Variants in PDZRN4 observed in about 807,000 individuals in gnomAD.
PDZRN4 encodes the protein PDZ domain-containing RING finger protein 4.
Under a neutral mutation model 99.0 loss-of-function variants are expected in PDZRN4, and 70 were observed. The observed-to-expected ratio is 0.71, with a 90% CI of 0.58 to 0.86. The LOEUF (loss-of-function observed/expected upper bound fraction) is 0.86, where lower values mean the gene tolerates loss of function less well. Ranked by LOEUF, PDZRN4 falls within the 40% of genes least tolerant of loss-of-function variation. The probability of loss-of-function intolerance (pLI) is 0.00; values close to 1 mark genes in which losing one functional copy is unlikely to be tolerated. For synonymous variants in PDZRN4, 551 were observed against 501.6 expected, an observed-to-expected ratio of 1.10 and a Z score of -1.32; for missense variants, 1,474 against 1,331.2, an observed-to-expected ratio of 1.11 and a Z score of -1.67.
intron 3 of PDZRN4, among the ~76,000 whole-genome samples, chr12:41,382,210 C>T (rs1039726898): frequency 3.9e-5 from 6 of 152,154 alleles, no homozygotes; most frequent in Admixed American, 3.9e-4. Flanking sequence ...GCTCCCCAGC[C>T]AAGTAGTGCT....
chr12:41,232,190 T>G (rs913619771), intron 3 of PDZRN4, among the ~76,000 whole-genome samples: 1 of 152,032 alleles, frequency 6.6e-6, no homozygotes, highest in Non-Finnish European at 1.5e-5. Context: ...GAGCTGAAAT[T>G]TAGATTCCTA....
chr12:41,382,306 G>A (rs576525988), intron 3 of PDZRN4, among the ~76,000 whole-genome samples: 24 of 152,238 alleles, frequency 1.6e-4, no homozygotes, highest in Admixed American at 2.6e-4. Flanking sequence ...CTACAATTGG[G>A]TGAGACCACA....
intron 3 of PDZRN4, among the ~76,000 whole-genome samples, chr12:41,270,060 A>G (rs1335447459): frequency 6.6e-6 from 1 of 152,188 alleles, no homozygotes; most frequent in Non-Finnish European, 1.5e-5. Context: ...CTGAGTTAGT[A>G]GTCATATAAA....
Position 41,238,100 on chromosome 12 carries a change from G to A in PDZRN4, c.843+43912G>A, listed in dbSNP as rs188316326. On this transcript the variant is annotated intron_variant, in intron 3 of 9. Transcript: ENST00000402685. ...CACGATATTGATTCTTTCTAACCAT[G>A]AGCATGGAATGTTTTTGCATCTGCT... Among the ~76,000 whole-genome samples, 3 of 152,210 alleles carry A rather than the reference G, an allele frequency of 2.0e-5. No homozygotes were observed. The East Asian group carries it at 5.8e-4, about 29-fold the overall frequency.
At chr12:41,302,607 C>T (rs964152642) in intron 3 of PDZRN4, among the ~76,000 whole-genome samples, 5 of 151,970 alleles carry the variant, frequency 3.3e-5, no homozygotes, top group East Asian at 1.9e-4. Context: ...ATTCATAATC[C>T]GGAAAGGAAG....
At chr12:41,525,407 ATAT>A (rs1025509448) in intron 5 of PDZRN4, among the ~76,000 whole-genome samples, 24 of 152,324 alleles carry the variant, frequency 1.6e-4, no homozygotes, top group African/African-American at 5.5e-4. Flanking sequence ...TGAAAAGATA[ATAT>A]TAATAATACA....
At chr12:41,388,337 T>G (rs1056085296) in intron 3 of PDZRN4, among the ~76,000 whole-genome samples, 1 of 151,786 alleles carries the variant, frequency 6.6e-6, no homozygotes, top group African/African-American at 2.4e-5. Context: ...ATCTTACAAG[T>G]TTACCTATGT....
At chr12:41,435,563 C>A (rs1952621958) in intron 3 of PDZRN4, among the ~76,000 whole-genome samples, 1 of 152,150 alleles carries the variant, frequency 6.6e-6, no homozygotes, top group East Asian at 1.9e-4. Flanking sequence ...CCGAAGCAGG[C>A]AGATCACGAG....
At chr12:41,364,227 GC>G (rs1951981863) in intron 3 of PDZRN4, among the ~76,000 whole-genome samples, 1 of 152,054 alleles carries the variant, frequency 6.6e-6, no homozygotes, top group Non-Finnish European at 1.5e-5. Flanking sequence ...TAATTCTGGT[GC>G]TTTTTAAATG....
intron 3 of PDZRN4, among the ~76,000 whole-genome samples, chr12:41,418,189 T>A (rs1952459790): frequency 1.3e-5 from 2 of 152,230 alleles, no homozygotes. Context: ...AGTATATTGA[T>A]GTTGCATGTA....
chr12:41,193,639 T>C (rs1202872894), intron 2 of PDZRN4, among the ~76,000 whole-genome samples: 1 of 152,210 alleles, frequency 6.6e-6, no homozygotes, highest in Non-Finnish European at 1.5e-5. Flanking sequence ...ATCTGGCACA[T>C]CAAAAAGCTA....
At chr12:41,232,423 C>T (rs1202160462) in intron 3 of PDZRN4, among the ~76,000 whole-genome samples, 1 of 151,982 alleles carries the variant, frequency 6.6e-6, no homozygotes, top group African/African-American at 2.4e-5. Context: ...GATCTGTAAG[C>T]GGGTGTTCAT....
At chr12:41,558,693 T>C (rs1219015970) in intron 7 of PDZRN4, among the ~76,000 whole-genome samples, 1 of 152,202 alleles carries the variant, frequency 6.6e-6, no homozygotes, top group Non-Finnish European at 1.5e-5. Context: ...AATAGCAGGA[T>C]GTTAAAGTGC....
intron 5 of PDZRN4, among the ~76,000 whole-genome samples, chr12:41,518,144 CT>C (rs1938435272): frequency 1.3e-5 from 2 of 151,112 alleles, no homozygotes; most frequent in African/African-American, 4.9e-5. Flanking sequence ...GATTACAGTT[CT>C]CCTTCTCCTT....
At chr12:41,498,317 T>A (rs966344616) in intron 3 of PDZRN4, among the ~76,000 whole-genome samples, 2 of 152,090 alleles carry the variant, frequency 1.3e-5, no homozygotes, top group Non-Finnish European at 2.9e-5. Flanking sequence ...CAAACCCAAA[T>A]GGAGGGATTG....
chr12:41,564,228 T>G (rs1169683724), intron 8 of PDZRN4, among the ~76,000 whole-genome samples: 3 of 152,222 alleles, frequency 2.0e-5, no homozygotes, highest in Non-Finnish European at 4.4e-5. Flanking sequence ...GTTCCATGTA[T>G]AGTAAATGAA....
chr12:41,549,965 T>C (rs890520485), intron 5 of PDZRN4, among the ~76,000 whole-genome samples: 1 of 152,166 alleles, frequency 6.6e-6, no homozygotes, highest in African/African-American at 2.4e-5. Context: ...ACAGTTTTGG[T>C]TTGGTCCAAG....
intron 3 of PDZRN4, among the ~76,000 whole-genome samples, chr12:41,222,745 G>A (rs913627962): frequency 2.0e-5 from 3 of 151,898 alleles, no homozygotes; most frequent in Non-Finnish European, 2.9e-5. Flanking sequence ...GGGTGATCTC[G>A]AACTCATGAC....
chr12:41,340,146 C>T (rs1951805718), intron 3 of PDZRN4, among the ~76,000 whole-genome samples: 1 of 151,996 alleles, frequency 6.6e-6, no homozygotes, highest in African/African-American at 2.4e-5. Flanking sequence ...TGCAGTTCTG[C>T]TTACAATAGC....
Sources: gnomAD v4.1 joint callset for allele counts (sites outside exome capture counted in the v4.1 genomes callset) on GRCh38, gnomAD v4.1.1 for gene constraint, MANE v1.5 for transcripts, NCBI Gene and HGNC (gene_info 2026-07-23, HGNC 2026-07-21) for gene names.